Variants in PIP5K1C observed in about 807,000 individuals in gnomAD.
The protein encoded by PIP5K1C is phosphatidylinositol-4-phosphate 5-kinase type 1 gamma, also known as phosphatidylinositol 4-phosphate 5-kinase type-1 gamma.
PIP5K1C carries 45 observed loss-of-function variants against 80.1 expected under a neutral mutation model. The ratio of observed to expected loss-of-function variants is 0.56; its 90% CI spans 0.44 to 0.72. The LOEUF is 0.72. PIP5K1C is among the 30% of genes least tolerant of loss of function. PIP5K1C has a pLI of 0.00. For missense variants in PIP5K1C, 753 were observed against 954.6 expected (o/e 0.79, Z 2.78); for synonymous variants, 498 against 420.1 (o/e 1.19, Z -2.27).
chr19:3,642,876 G>C (rs1209483940), intron 14 of PIP5K1C, 31 bp downstream of exon 14: 1 of 1,600,404 alleles, frequency 6.2e-7, no homozygotes, highest in Admixed American at 1.7e-5. Flanking sequence ...GAGCTGGTGA[G>C]ACCCAGGGAA....
chr19:3,633,342 G>A lies in PIP5K1C; in HGVS notation c.2004+95C>T, dbSNP rs145060656. The stretch of plus-strand genomic sequence containing the variant: ...TGGGCCACCTGTGCCCTCCCGCCCC[G>A]GGCCTCAGTCCCTGCCTATCCCAGT... On this transcript the variant is annotated intron_variant, in intron 17 of 17. Transcript: ENST00000335312. 9.3e-4 allele frequency: 920 copies of A among 989,992 alleles called. 2 individuals are homozygous for A. The highest frequency in any genetic ancestry group is 1.7e-3 in the African/African-American group (102 of 60,992). The allele number at this position is 989,992 out of a possible 1,614,324, so 61.3% of individuals were successfully genotyped here. A position where few individuals can be genotyped will look rare whatever the true frequency, so the allele number is the denominator to read the frequency against.
At chr19:3,636,153 T>C (rs2033679584) in intron 16 of PIP5K1C, among the ~76,000 whole-genome samples, 1 of 151,920 alleles carries the variant, frequency 6.6e-6, no homozygotes, top group Non-Finnish European at 1.5e-5. Context: ...CAAGACTCCG[T>C]CTCAAAAAAT....
At chr19:3,681,417 C>T (rs1419626491) in intron 1 of PIP5K1C, among the ~76,000 whole-genome samples, 3 of 151,780 alleles carry the variant, frequency 2.0e-5, no homozygotes, top group African/African-American at 7.3e-5. Flanking sequence ...TTTCTAGTAG[C>T]GACGGAATTT....
chr19:3,688,353 G>A lies in PIP5K1C; in HGVS notation c.94+11944C>T, dbSNP rs1182666322. 6.6e-6 allele frequency among the ~76,000 whole-genome samples: 1 copy of A among 152,304 alleles called. No homozygotes were observed. Among genetic ancestry groups the A allele is most frequent in the South Asian group, 2.1e-4 (1 of 4,826 alleles). ...AGAGCGGGGTGCCGCAGGGGAGCCC[G>A]CAGGAGCTCCTGTTCCTCACCTGCG... On this transcript the variant is annotated intron_variant, in intron 1 of 17. Transcript: ENST00000335312. This position sits in a 1 kb window ranked among gnomAD's most constrained non-coding sequence, Gnocchi z 5.3.
At chr19:3,675,049 T>C (rs2145545978) in intron 1 of PIP5K1C, among the ~76,000 whole-genome samples, 1 of 152,142 alleles carries the variant, frequency 6.6e-6, no homozygotes, top group East Asian at 1.9e-4. Flanking sequence ...GACAGGCTGA[T>C]CCAGAGAGAC....
At chr19:3,683,485 G>A (rs758774615) in intron 1 of PIP5K1C, among the ~76,000 whole-genome samples, 4 of 152,196 alleles carry the variant, frequency 2.6e-5, no homozygotes, top group Non-Finnish European at 4.4e-5. Context: ...TGTGTGTGGC[G>A]GGGCCCGCAC....
intron 11 of PIP5K1C, 109 bp from the exon 12 acceptor site, chr19:3,644,360 C>A: frequency 9.2e-7 from 1 of 1,089,474 alleles, no homozygotes; most frequent in East Asian, 2.5e-5. Context: ...CCACCAGACC[C>A]CTACCGGTCC....
Position 3,700,290 on chromosome 19 carries a change from C to A in PIP5K1C, c.94+7G>T. ...CGGGCCGCAGCCCCGGGAGGCCGGG[C>A]CGTTACCTGCCGCCGCCCCGCTCTC... On this transcript the variant is annotated splice_region_variant and intron_variant, in intron 1 of 17. Transcript: ENST00000335312. 1.6e-6 allele frequency: 2 copies of A among 1,268,340 alleles called. No individual in the cohort carries two copies. Among genetic ancestry groups the A allele is most frequent in the South Asian group, 1.6e-5 (1 of 62,422 alleles). 78.6% of individuals were successfully genotyped at this position (1,268,340 alleles called of 1,614,324 possible).
chr19:3,652,380 C>T (rs1399704608), intron 7 of PIP5K1C, among the ~76,000 whole-genome samples: 1 of 152,248 alleles, frequency 6.6e-6, no homozygotes, highest in Non-Finnish European at 1.5e-5. Context: ...AGGACGTGCC[C>T]GGCCTGACAG....
intron 2 of PIP5K1C, among the ~76,000 whole-genome samples, chr19:3,665,845 C>A (rs898844155): frequency 2.0e-5 from 3 of 152,128 alleles, no homozygotes; most frequent in Non-Finnish European, 4.4e-5. Flanking sequence ...CCCCGCCTGG[C>A]ACCGTCATTT....
chr19:3,669,052 A>G (rs2035115317), intron 1 of PIP5K1C, among the ~76,000 whole-genome samples: 1 of 152,144 alleles, frequency 6.6e-6, no homozygotes, highest in African/African-American at 2.4e-5. Flanking sequence ...GCTGTGGGTC[A>G]GGGCTGACTC....
chr19:3,693,710 T>G (rs1256134997), intron 1 of PIP5K1C, among the ~76,000 whole-genome samples: 3 of 137,028 alleles, frequency 2.2e-5, no homozygotes, highest in East Asian at 2.1e-4. Context: ...TCCCAGGGGC[T>G]AGGGCCTCAC....
chr19:3,662,064 G>GATC, intron 3 of PIP5K1C, 63 bp from the exon 4 acceptor site: 1 of 1,522,818 alleles, frequency 6.6e-7, no homozygotes, highest in African/African-American at 1.4e-5. Context: ...CACCCCCTGT[G>GATC]TGCACCGGGG....
Position 3,696,250 on chromosome 19 carries a change from C to A in PIP5K1C, c.94+4047G>T, listed in dbSNP as rs549334092. On this transcript the variant is annotated intron_variant, in intron 1 of 17. Coordinates refer to ENST00000335312, the MANE Select transcript of PIP5K1C (RefSeq NM_012398.3). This position sits in a 1 kb window ranked among gnomAD's most constrained non-coding sequence, Gnocchi z 4.1. Reference sequence around the variant, plus strand: ...GCCACCCCATTCTACCTTACCCTTCCTCCCTGGCACTGCTGGCCTCATGCA... The same window carrying A: ...GCCACCCCATTCTACCTTACCCTTCATCCCTGGCACTGCTGGCCTCATGCA... Among the ~76,000 whole-genome samples, 1 of 152,346 alleles carries A rather than the reference C, an allele frequency of 6.6e-6. No homozygotes were observed. The highest frequency in any genetic ancestry group is 1.5e-5 in the Non-Finnish European group (1 of 68,038).
chr19:3,653,544 G>A lies in PIP5K1C; in HGVS notation c.667C>T (p.Leu223=). Residue 223 remains leucine, a synonymous_variant, in exon 7 of 18, where the codon CTG becomes TTG. Transcript: ENST00000335312. ...PRTLLPKFYG[L]YCVQSGGKNI... ...TTGCCCCCCGACTGCACGCAGTACA[G>A]CCCATAGAACTTGGGCAGCAGCGTC... 6.2e-7 allele frequency: 1 copy of A among 1,612,776 alleles called. No homozygotes were observed. Among genetic ancestry groups the A allele is most frequent in the East Asian group, 2.2e-5 (1 of 44,862 alleles).
intron 1 of PIP5K1C, among the ~76,000 whole-genome samples, chr19:3,687,759 T>TC (rs1206639710): frequency 1.3e-5 from 2 of 152,102 alleles, no homozygotes; most frequent in Non-Finnish European, 1.5e-5. Flanking sequence ...AGGCCGCCCC[T>TC]CTTCCTTGCC....
At chr19:3,657,310 G>A (rs1347580840) in intron 5 of PIP5K1C, among the ~76,000 whole-genome samples, 4 of 152,344 alleles carry the variant, frequency 2.6e-5, no homozygotes, top group South Asian at 4.1e-4. Flanking sequence ...ACAGGTGCTC[G>A]ATTTGCTAAG....
At chr19:3,658,591 C>A (rs745833681) in intron 5 of PIP5K1C, among the ~76,000 whole-genome samples, 22 of 152,202 alleles carry the variant, frequency 1.4e-4, no homozygotes, top group Non-Finnish European at 2.6e-4. Context: ...GGCCAGGGGA[C>A]CCCGCCAAGC....
intron 2 of PIP5K1C, among the ~76,000 whole-genome samples, 181 bp from the exon 3 acceptor site, chr19:3,665,095 C>T (rs1364989244): frequency 7.9e-5 from 12 of 152,188 alleles, no homozygotes; most frequent in Non-Finnish European, 1.6e-4. Flanking sequence ...GGGCGCCTGG[C>T]GGGCTGGCTG....
Sources: gnomAD v4.1 joint callset for allele counts (sites outside exome capture counted in the v4.1 genomes callset) on GRCh38, gnomAD v4.1.1 for gene constraint, Gnocchi (gnomAD v3.1) non-coding constraint, MANE v1.5 for transcripts, NCBI Gene and HGNC (gene_info 2026-07-23, HGNC 2026-07-21) for gene names.